ANKRD50: variants seen among roughly 807,000 people sequenced by gnomAD.
The protein encoded by ANKRD50 is ankyrin repeat domain-containing protein 50.
In ANKRD50, 40 loss-of-function variants were observed where a neutral mutation model predicts 112.0. That is an observed-to-expected ratio of 0.36 (90% CI 0.28 to 0.46). The LOEUF (loss-of-function observed/expected upper bound fraction) is 0.46, where lower values mean the gene tolerates loss of function less well. Ranked by LOEUF, ANKRD50 falls within the 20% of genes least tolerant of loss-of-function variation. ANKRD50 has a pLI of 1.00. For synonymous variants in ANKRD50, 613 were observed against 619.1 expected (o/e 0.99, Z 0.15); for missense variants, 1,487 against 1,701.7 (o/e 0.87, Z 2.22).
intron 2 of ANKRD50, among the ~76,000 whole-genome samples, chr4:124,698,121 G>C (rs569223897): frequency 6.6e-6 from 1 of 151,972 alleles, no homozygotes; most frequent in East Asian, 1.9e-4. Context: ...CAAGATATTT[G>C]AATAATGATG....
intron 2 of ANKRD50, among the ~76,000 whole-genome samples, chr4:124,701,092 T>C (rs145728525): frequency 0.014 from 2,112 of 152,078 alleles, 50 homozygotes; most frequent in African/African-American, 0.048. Flanking sequence ...GCCTCCCGAG[T>C]AGGTAGGATT....
intron 2 of ANKRD50, among the ~76,000 whole-genome samples, chr4:124,693,387 T>G (rs533255626): frequency 6.6e-6 from 1 of 152,138 alleles, no homozygotes; most frequent in Non-Finnish European, 1.5e-5. Context: ...GAAAAATCAA[T>G]AGATGGCAGG....
At chr4:124,673,633 G>A (rs75589457) in intron 3 of ANKRD50, among the ~76,000 whole-genome samples, 2,200 of 152,106 alleles carry the variant, frequency 0.014, 53 homozygotes, top group African/African-American at 0.05. Context: ...AGAGAAGGAC[G>A]AGTCAAAGCT....
In ANKRD50 at chr4:124,665,832, AAAAAT is replaced by A. The variant is rs1305520624; in HGVS notation, c.*1681_*1685del. 1 of 152,532 alleles carries A rather than the reference AAAAAT, an allele frequency of 6.6e-6. No individual in the cohort carries two copies. Among genetic ancestry groups the A allele is most frequent in the East Asian group, 1.9e-4 (1 of 5,170 alleles). 9.4% of individuals were successfully genotyped at this position (152,532 alleles called of 1,614,324 possible). ...GACAAAATGAGTTTTGCTGACTTTA[AAAAAT>A]AAAAGCAAGAAAAGCCTTACAATAA... On this transcript the variant is annotated 3_prime_UTR_variant, in exon 5 of 5. Coordinates refer to ENST00000504087, the MANE Select transcript of ANKRD50 (RefSeq NM_020337.3).
chr4:124,680,886 C>T (rs1282593099), intron 2 of ANKRD50, among the ~76,000 whole-genome samples: 1 of 151,710 alleles, frequency 6.6e-6, no homozygotes, highest in African/African-American at 2.4e-5. Flanking sequence ...ACAGCACATG[C>T]AAAGGCTTAA....
rs939451169 is a variant in ANKRD50, at chr4:124,667,160, T to C, written c.*358A>G. 21 of 152,072 alleles carry C rather than the reference T, an allele frequency of 1.4e-4. No individual in the cohort carries two copies. Among genetic ancestry groups the C allele is most frequent in the African/African-American group, 4.6e-4 (19 of 41,436 alleles). The allele number at this position is 152,072 out of a possible 1,614,324, so 9.4% of individuals were successfully genotyped here. On this transcript the variant is annotated 3_prime_UTR_variant, in exon 5 of 5. Coordinates refer to ENST00000504087, the MANE Select transcript of ANKRD50 (RefSeq NM_020337.3). ...AATAAATACAAGGAACACTGCCTTTTCATATATATTTGATTATGGCACATG... is the reference window on the plus strand; with the variant it reads ...AATAAATACAAGGAACACTGCCTTTCCATATATATTTGATTATGGCACATG...
chr4:124,705,815 T>C (rs1725492980), intron 2 of ANKRD50, among the ~76,000 whole-genome samples: 1 of 152,158 alleles, frequency 6.6e-6, no homozygotes, highest in African/African-American at 2.4e-5. Flanking sequence ...ATACAAAGTT[T>C]TGCACTAAAG....
Position 124,710,197 on chromosome 4 carries a change from G to A in ANKRD50, c.315C>T (p.Arg105=), listed in dbSNP as rs923109786. The A allele has an allele frequency of 3.1e-6, 5 of 1,614,038 alleles. No homozygotes were observed. Among genetic ancestry groups the A allele is most frequent in the Non-Finnish European group, 3.4e-6 (4 of 1,180,054 alleles). The change falls in exon 2 of 5, where the codon CGC becomes CGT. Residue 105 remains arginine, a synonymous_variant. Coordinates refer to ENST00000504087, the MANE Select transcript of ANKRD50 (RefSeq NM_020337.3). ...SPASLQRGLH[R]QALAFHFCKA... Reference sequence around the variant, plus strand: ...TGCAGAAATGAAAGGCCAAAGCTTGGCGATGTAAACCTCTCTGCAAACTTG... The same window carrying A: ...TGCAGAAATGAAAGGCCAAAGCTTGACGATGTAAACCTCTCTGCAAACTTG...
At chr4:124,686,238 A>G (rs1187540914) in intron 2 of ANKRD50, among the ~76,000 whole-genome samples, 1 of 152,224 alleles carries the variant, frequency 6.6e-6, no homozygotes, top group African/African-American at 2.4e-5. Context: ...TCTATGAAAC[A>G]TCAGGTTTCA....
chr4:124,672,406 T>A lies in ANKRD50; in HGVS notation c.871A>T (p.Met291Leu). The change falls in exon 4 of 5, where the codon ATG (methionine) becomes TTG (leucine). Residue 291 changes from methionine to leucine, a missense_variant. Met to Leu is a conservative substitution (Grantham distance 15). Around this residue, in one of 2 missense-constraint regions of ANKRD50, gnomAD observed 1,046 missense variants for 1,269.5 expected, o/e 0.82. Transcript: ENST00000504087. ...CTTTTAATGTGCAGTTGATTTAACATCTCTGCAGTTTCTTTTGTGAGGTGT... is the reference window on the plus strand; with the variant it reads ...CTTTTAATGTGCAGTTGATTTAACAACTCTGCAGTTTCTTTTGTGAGGTGT... Reference protein sequence around the residue: ...RQHLTKETAEMLNQLHIKSSG... With the variant: ...RQHLTKETAELLNQLHIKSSG... 1.9e-6 allele frequency: 3 copies of A among 1,613,338 alleles called. No individual in the cohort carries two copies. Among genetic ancestry groups the A allele is most frequent in the South Asian group, 1.1e-5 (1 of 91,026 alleles).
Position 124,671,621 on chromosome 4 carries a change from A to G in ANKRD50, c.1656T>C (p.Ala552=). The G allele has an allele frequency of 1.2e-6, 2 of 1,613,924 alleles. No homozygotes were observed. Among genetic ancestry groups the G allele is most frequent in the Non-Finnish European group, 1.7e-6 (2 of 1,179,872 alleles). The part of the protein sequence containing the change: ...DSNGRTLLAN[A]AYSGSLDVVN... ...CTACATCAAGACTGCCACTATATGC[A>G]GCATTAGCCAATAATGTTCTCCCAT... The change falls in exon 4 of 5, where the codon GCT becomes GCC. Residue 552 remains alanine (A), a synonymous_variant. Coordinates refer to ENST00000504087, the MANE Select transcript of ANKRD50 (RefSeq NM_020337.3).
chr4:124,695,875 C>G (rs1345001132), intron 2 of ANKRD50, among the ~76,000 whole-genome samples: 1 of 152,110 alleles, frequency 6.6e-6, no homozygotes, highest in Non-Finnish European at 1.5e-5. Context: ...GCATCAGCCC[C>G]TCACCCTATC....
rs75705897 is a variant in ANKRD50 at position 124,708,464 on chromosome 4, C to T, written c.512+1536G>A. ...AAGAATATCACACCTCTCAAAGATA[C>T]ATCCCTTTGGCTGACTTTAATAAAT... On this transcript the variant is annotated intron_variant, in intron 2 of 4. Transcript: ENST00000504087. 3.3e-5 allele frequency among the ~76,000 whole-genome samples: 5 copies of T among 152,162 alleles called. No individual in the cohort carries two copies. In the East Asian group the frequency reaches 9.7e-4, roughly 29 times the overall value.
chr4:124,710,373 C>T lies in ANKRD50; in HGVS notation c.139G>A (p.Ala47Thr). 6.2e-7 allele frequency: 1 copy of T among 1,614,168 alleles called. No homozygotes were observed. The highest frequency in any genetic ancestry group is 1.3e-5 in the African/African-American group (1 of 75,030). ...LQEKSNCCNS[A>T]VNAPSLVMNS... The stretch of plus-strand genomic sequence containing the variant: ...ATTACAAGTGATGGTGCATTGACAG[C>T]ACTATTGCAGCAGTTACTTTTCTCC... The change falls in exon 2 of 5, where the codon GCT becomes ACT. Residue 47 changes from alanine (A) to threonine (T), a missense_variant. Physicochemically the swap from Ala to Thr is moderately conservative, Grantham distance 58. Transcript: ENST00000504087.
chr4:124,693,692 A>G (rs1314737351), intron 2 of ANKRD50, among the ~76,000 whole-genome samples: 1 of 152,140 alleles, frequency 6.6e-6, no homozygotes, highest in East Asian at 1.9e-4. Context: ...CTTGATATTT[A>G]CGGGATTTAA....
intron 2 of ANKRD50, among the ~76,000 whole-genome samples, chr4:124,699,615 C>T (rs1260191689): frequency 6.6e-6 from 1 of 152,052 alleles, no homozygotes; most frequent in Non-Finnish European, 1.5e-5. Context: ...TCATATGACT[C>T]TCATCAAATA....
At chr4:124,673,328 C>A (rs940586162) in intron 3 of ANKRD50, among the ~76,000 whole-genome samples, 1 of 151,962 alleles carries the variant, frequency 6.6e-6, no homozygotes, top group African/African-American at 2.4e-5. Context: ...ATTCATCTTA[C>A]AGAACAAAAA....
At chr4:124,709,967 G>T in intron 2 of ANKRD50, 33 bp downstream of exon 2, 1 of 1,563,924 alleles carries the variant, frequency 6.4e-7, no homozygotes. Context: ...TTTCAGCATA[G>T]AAATCTGAAC....
At chr4:124,704,313 T>C (rs1725457821) in intron 2 of ANKRD50, among the ~76,000 whole-genome samples, 2 of 152,240 alleles carry the variant, frequency 1.3e-5, no homozygotes, top group African/African-American at 4.8e-5. Flanking sequence ...GAATGTAATA[T>C]ATTTTGCCTT....
Sources: gnomAD v4.1 joint callset for allele counts (sites outside exome capture counted in the v4.1 genomes callset) on GRCh38, gnomAD v4.1.1 for gene constraint, gnomAD v4.1.1 regional missense constraint, MANE v1.5 for transcripts, NCBI Gene and HGNC (gene_info 2026-07-23, HGNC 2026-07-21) for gene names.